Variants in THOP1 observed in about 807,000 individuals in gnomAD.
The protein encoded by THOP1 is thimet oligopeptidase.
A neutral mutation model predicts 71.8 loss-of-function variants in THOP1; 49 were observed. The ratio of observed to expected loss-of-function variants is 0.68; its 90% CI spans 0.54 to 0.87. THOP1 has a LOEUF of 0.87. THOP1 is among the 40% of genes least tolerant of loss of function. THOP1 has a pLI of 0.00. For synonymous variants in THOP1, 426 were observed against 421.5 expected (o/e 1.01, Z -0.13); for missense variants, 843 against 975.6 (o/e 0.86, Z 1.81).
At chr19:2,793,086 A>T (rs1159426457) in intron 2 of THOP1, among the ~76,000 whole-genome samples, 1 of 151,992 alleles carries the variant, frequency 6.6e-6, no homozygotes, top group Non-Finnish European at 1.5e-5. Context: ...GAGGCAGGAG[A>T]ATCACTTGAA....
intron 9 of THOP1, chr19:2,809,924 CCACA>C (rs1355026949): frequency 3.8e-6 from 1 of 260,972 alleles, no homozygotes; most frequent in Admixed American, 5.0e-5. Flanking sequence ...AGGGAAGGTT[CCACA>C]CACACACGAG....
chr19:2,789,517 T>C (rs1031808696), intron 1 of THOP1, among the ~76,000 whole-genome samples: 1 of 152,172 alleles, frequency 6.6e-6, no homozygotes, highest in Non-Finnish European at 1.5e-5. Context: ...CCAGGCTGAC[T>C]TTCTTGTTGA....
intron 1 of THOP1, among the ~76,000 whole-genome samples, chr19:2,787,642 A>G (rs1915778958): frequency 6.6e-6 from 1 of 152,222 alleles, no homozygotes; most frequent in Non-Finnish European, 1.5e-5. Context: ...TTGGCCAGAA[A>G]ATGACCTCAA....
rs777918961 is a variant in THOP1, at chr19:2,790,533, G to A, written c.129G>A (p.Gln43=). The A allele has an allele frequency of 6.2e-7, 1 of 1,608,458 alleles. No individual in the cohort carries two copies. Among genetic ancestry groups the A allele is most frequent in the East Asian group, 2.2e-5 (1 of 44,824 alleles). Reference sequence around the variant, plus strand: ...AGCGCACCAGGGAGCTCATCGAGCAGACCAAGCGCGTGTATGACCAGGTTG... The same window carrying A: ...AGCGCACCAGGGAGCTCATCGAGCAAACCAAGCGCGTGTATGACCAGGTTG... ...IEERTRELIE[Q]TKRVYDQVGT... Residue 43 remains glutamine (Q), a synonymous_variant, in exon 2 of 13, where the codon CAG becomes CAA. Transcript: ENST00000307741.
At chr19:2,808,216 G>T (rs778307712) in intron 8 of THOP1, 27 bp from the exon 9 acceptor site, 1 of 1,544,918 alleles carries the variant, frequency 6.5e-7, no homozygotes, top group Non-Finnish European at 8.7e-7. Context: ...TAGTCCCTGC[G>T]GGGCCTGACG....
At chr19:2,787,064 A>G (rs1008516798) in intron 1 of THOP1, 17 of 151,960 alleles carry the variant, frequency 1.1e-4, no homozygotes, top group African/African-American at 3.4e-4. Context: ...ACACCTGGCT[A>G]ATTTTTGTAT....
At position 2,785,541 on chromosome 19, in the gene THOP1, C is replaced by T. The variant is rs578196562; in HGVS notation, c.-122C>T. On this transcript the variant is annotated 5_prime_UTR_variant, in exon 1 of 13. Coordinates refer to ENST00000307741, the MANE Select transcript of THOP1 (RefSeq NM_003249.5). ...AGCGCGGGCGGCGGGCCCCTTGGTC[C>T]TCAGGCGGCCGTGGCGGCGGTGGCG... 6.6e-5 allele frequency: 82 copies of T among 1,236,230 alleles called. No homozygotes were observed. Among genetic ancestry groups the T allele is most frequent in the Admixed American group, 3.5e-4 (11 of 31,796 alleles). The allele number at this position is 1,236,230 out of a possible 1,614,324, so 76.6% of individuals were successfully genotyped here.
chr19:2,796,086 A>G lies in THOP1; in HGVS notation c.384A>G (p.Lys128=). The change falls in exon 4 of 13, where the codon AAA becomes AAG. Residue 128 remains lysine (K), a synonymous_variant. Coordinates refer to ENST00000307741, the MANE Select transcript of THOP1 (RefSeq NM_003249.5). ...CTTTGATGTTTTTATTCCAGGAGAA[A>G]GTTCAGAAGGACTCACTGAGGCCCG... ...VYQRIVWLQE[K]VQKDSLRPEA... 1.2e-6 allele frequency: 2 copies of G among 1,613,494 alleles called. No homozygotes were observed. The highest frequency in any genetic ancestry group is 1.7e-6 in the Non-Finnish European group (2 of 1,179,668).
At chr19:2,802,097 T>A (rs1916157963) in intron 5 of THOP1, among the ~76,000 whole-genome samples, 1 of 130,350 alleles carries the variant, frequency 7.7e-6, no homozygotes, top group African/African-American at 3.1e-5. Flanking sequence ...CCAATACTGC[T>A]ACCTCTCAAT....
chr19:2,785,718 C>T (rs751888459), intron 1 of THOP1, 40 bp downstream of exon 1: 5 of 1,375,768 alleles, frequency 3.6e-6, no homozygotes, highest in South Asian at 1.9e-5. Context: ...GCGTCCCCTG[C>T]ACCCTCGCTC....
intron 8 of THOP1, 63 bp from the exon 9 acceptor site, chr19:2,808,180 G>A (rs547025627): frequency 6.6e-6 from 10 of 1,505,938 alleles, no homozygotes; most frequent in Admixed American, 4.1e-5. Context: ...TGAGGGATGC[G>A]GAGTCAGGGA....
chr19:2,795,876 C>A, intron 3 of THOP1: 1 of 489,752 alleles, frequency 2.0e-6, no homozygotes, highest in Non-Finnish European at 3.8e-6. Flanking sequence ...GGACTGATGT[C>A]AGTGTGGGGC....
chr19:2,790,359 G>A, intron 1 of THOP1, 62 bp from the exon 2 acceptor site: 1 of 1,442,488 alleles, frequency 6.9e-7, no homozygotes, highest in Non-Finnish European at 9.2e-7. Context: ...CTGCCCTCCT[G>A]ACTTTGACCC....
rs899936907 is a variant in THOP1, at chr19:2,815,760, C to T, written c.*2484C>T. The T allele has an allele frequency of 6.6e-6, 1 of 152,100 alleles. No homozygotes were observed. The highest frequency in any genetic ancestry group is 1.5e-5 in the Non-Finnish European group (1 of 68,020). The allele number at this position is 152,100 out of a possible 1,614,324, so 9.4% of individuals were successfully genotyped here. A position where few individuals can be genotyped will look rare whatever the true frequency, so the allele number is the denominator to read the frequency against. The stretch of plus-strand genomic sequence containing the variant: ...TGTCACTCTCCTTGGCCCCTTGCTG[C>T]TCCCCAGTGGAAAAAAAAGGGGGAA... On this transcript the variant is annotated 3_prime_UTR_variant, in exon 13 of 13. Coordinates refer to ENST00000307741, the MANE Select transcript of THOP1 (RefSeq NM_003249.5).
chr19:2,811,545 G>A, intron 11 of THOP1, 53 bp from the exon 12 acceptor site: 1 of 1,573,270 alleles, frequency 6.4e-7, no homozygotes, highest in Non-Finnish European at 8.7e-7. Flanking sequence ...TCTCCTGGAG[G>A]AGGAGCATGG....
At position 2,810,413 on chromosome 19, in the gene THOP1, C is replaced by T. The variant is rs1396902500; in HGVS notation, c.1565C>T (p.Ser522Leu). 1.2e-5 allele frequency: 20 copies of T among 1,608,074 alleles called. No individual in the cohort carries two copies. Among genetic ancestry groups the T allele is most frequent in the East Asian group, 4.5e-5 (2 of 44,698 alleles). ...GAGCAGGAGCCGCTGCTGCGGATGTCGCGGCACTACCGCACAGGCAGCGCC... is the reference window on the plus strand; with the variant it reads ...GAGCAGGAGCCGCTGCTGCGGATGTTGCGGCACTACCGCACAGGCAGCGCC... The part of the protein sequence containing the change: ...VWEQEPLLRM[S>L]RHYRTGSAVP... The change falls in exon 10 of 13, where the codon TCG becomes TTG. Residue 522 changes from serine to leucine, a missense_variant. Physicochemically the swap from Ser to Leu is moderately radical, Grantham distance 145. Coordinates refer to ENST00000307741, the MANE Select transcript of THOP1 (RefSeq NM_003249.5).
At chr19:2,811,975 A>G (rs1916487475) in intron 12 of THOP1, 7 of 1,094,770 alleles carry the variant, frequency 6.4e-6, no homozygotes, top group Non-Finnish European at 7.5e-6. Context: ...CGGCCGAGGC[A>G]CCTGCTGGTC....
At chr19:2,812,465 T>C in intron 12 of THOP1, 2 of 1,361,716 alleles carry the variant, frequency 1.5e-6, no homozygotes, top group Non-Finnish European at 1.9e-6. Context: ...ACAAGCCCCC[T>C]GTCTTCACAG....
intron 12 of THOP1, chr19:2,812,045 C>A: frequency 1.8e-6 from 2 of 1,126,056 alleles, no homozygotes; most frequent in Admixed American, 3.0e-5. Flanking sequence ...ACACTGGCCC[C>A]TCAGGCCTCG....
Sources: allele counts gnomAD v4.1 joint callset (sites outside exome capture counted in the v4.1 genomes callset), GRCh38; gene constraint gnomAD v4.1.1; transcripts MANE v1.5; gene names NCBI Gene and HGNC (gene_info 2026-07-23, HGNC 2026-07-21).